Variants in EHD3 observed in about 807,000 individuals in gnomAD.
The protein encoded by EHD3 is EH domain containing 3, also known as EH domain-containing protein 3.
In EHD3, 17 loss-of-function variants were observed where a neutral mutation model predicts 43.0. The ratio of observed to expected loss-of-function variants is 0.40; its 90% confidence interval spans 0.27 to 0.59. The LOEUF is 0.59. Among genes scored for constraint, EHD3 ranks in the 20% least tolerant of loss-of-function variants. The pLI, the probability that EHD3 is intolerant of heterozygous loss-of-function variation, is 0.49. For synonymous variants in EHD3, 313 were observed against 289.5 expected (o/e 1.08, Z -0.82); for missense variants, 594 against 705.6 (o/e 0.84, Z 1.79).
chr2:31,249,189 A>ACTGGGGTT (rs1422410662), intron 2 of EHD3, among the ~76,000 whole-genome samples, 182 bp from the exon 3 acceptor site: 3 of 152,180 alleles, frequency 2.0e-5, no homozygotes, highest in African/African-American at 7.2e-5. Context: ...AGGCAAGAGG[A>ACTGGGGTT]CTGGGGTTCA....
rs377034591 is a variant in EHD3 at position 31,234,610 on chromosome 2, G to C, written c.-12G>C. The C allele has an allele frequency of 1.0e-4, 167 of 1,612,394 alleles. 1 individual carries two copies. Among genetic ancestry groups the C allele is most frequent in the Middle Eastern group, 1.6e-4 (1 of 6,076 alleles). ...CCCTGGGGCTGCGTGCCGGGGGCGA[G>C]CGGCGGCCGCGATGTTCAGCTGGCT... On this transcript the variant is annotated 5_prime_UTR_variant, in exon 1 of 6. Coordinates refer to ENST00000322054, the MANE Select transcript of EHD3 (RefSeq NM_014600.3).
intron 1 of EHD3, among the ~76,000 whole-genome samples, chr2:31,243,420 TTTTC>T (rs751332290): frequency 0.036 from 4,882 of 135,394 alleles, 398 homozygotes; most frequent in African/African-American, 0.11. Context: ...GGAGATTCAT[TTTTC>T]TTTCTTTCTT....
At chr2:31,245,256 T>C (rs1683495385) in intron 2 of EHD3, among the ~76,000 whole-genome samples, 1 of 152,224 alleles carries the variant, frequency 6.6e-6, no homozygotes. Flanking sequence ...ACTGTGGCTC[T>C]TGAACAAGTT....
At chr2:31,255,537 C>A (rs1411236632) in intron 3 of EHD3, among the ~76,000 whole-genome samples, 1 of 152,204 alleles carries the variant, frequency 6.6e-6, no homozygotes. Flanking sequence ...TAATCCTATA[C>A]CATACCCTTT....
rs1275479931 is a variant in EHD3 at position 31,234,587 on chromosome 2, CT to C, written c.-34del. 6.2e-7 allele frequency: 1 copy of C among 1,610,302 alleles called. No individual in the cohort carries two copies. Among genetic ancestry groups the C allele is most frequent in the Non-Finnish European group, 8.5e-7 (1 of 1,178,598 alleles). Reference sequence around the variant, plus strand: ...TCTTCCCCTGAGGAGGAGTCTTCCCCTGGGGCTGCGTGCCGGGGGCGAGCGG... The same window carrying C: ...TCTTCCCCTGAGGAGGAGTCTTCCCCGGGGCTGCGTGCCGGGGGCGAGCGG... On this transcript the variant is annotated 5_prime_UTR_variant, in exon 1 of 6. Transcript: ENST00000322054.
chr2:31,235,841 C>T (rs2148714457), intron 1 of EHD3, among the ~76,000 whole-genome samples: 1 of 152,340 alleles, frequency 6.6e-6, no homozygotes, highest in African/African-American at 2.4e-5. Context: ...ATCTTCCCAA[C>T]TTCAAGGCCA....
rs763758688 is a variant in EHD3, at chr2:31,234,723, G to A, written c.102G>A (p.Leu34=). ...GLKKLYKSKL[L]PLEEHYRFHE... is the part of the protein sequence containing the mutation. ...AGAAACTCTACAAGAGCAAGCTGCT[G>A]CCCTTGGAAGAGCATTACCGCTTCC... The change falls in exon 1 of 6, where the codon CTG becomes CTA. Residue 34 remains leucine (L), a synonymous_variant. Transcript: ENST00000322054. 4 of 1,614,238 alleles carry A rather than the reference G, an allele frequency of 2.5e-6. No homozygotes were observed. The highest frequency in any genetic ancestry group is 3.4e-6 in the Non-Finnish European group (4 of 1,180,038).
chr2:31,263,313 G>T (rs1414153523), intron 5 of EHD3, among the ~76,000 whole-genome samples: 1 of 152,208 alleles, frequency 6.6e-6, no homozygotes, highest in Non-Finnish European at 1.5e-5. Context: ...ATTTGAAAGG[G>T]ACCCTAAGAC....
chr2:31,248,719 G>T (rs1330504219), intron 2 of EHD3, among the ~76,000 whole-genome samples: 2 of 152,148 alleles, frequency 1.3e-5, no homozygotes, highest in Non-Finnish European at 2.9e-5. Context: ...CACCCAGCCT[G>T]TTATCTTGCA....
Position 31,234,716 on chromosome 2 carries a change from A to G in EHD3, c.95A>G (p.Lys32Arg), listed in dbSNP as rs1683290781. Residue 32 changes from lysine to arginine, a missense_variant, in exon 1 of 6, where the codon AAG becomes AGG. This residue lies in a region of EHD3 where 243 missense variants were observed against 296.7 expected (regional missense o/e 0.82). Coordinates refer to ENST00000322054, the MANE Select transcript of EHD3 (RefSeq NM_014600.3). The stretch of plus-strand genomic sequence containing the variant: ...GGGCTCAAGAAACTCTACAAGAGCA[A>G]GCTGCTGCCCTTGGAAGAGCATTAC... ...SEGLKKLYKSKLLPLEEHYRF... is the reference protein window; with the variant it reads ...SEGLKKLYKSRLLPLEEHYRF... 6.2e-7 allele frequency: 1 copy of G among 1,614,096 alleles called. No individual in the cohort carries two copies. The highest frequency in any genetic ancestry group is 1.3e-5 in the African/African-American group (1 of 74,946).
chr2:31,264,937 T>TA (rs1489818865), intron 5 of EHD3, among the ~76,000 whole-genome samples: 1 of 152,178 alleles, frequency 6.6e-6, no homozygotes, highest in Non-Finnish European at 1.5e-5. Context: ...TTTTTCTATT[T>TA]AAAAAAATTT....
Position 31,261,714 on chromosome 2 carries a change from G to A in EHD3, c.1080+1G>A. ...CTTCCCCAATCTGAAGAGGATGCAG[G>A]TAGCGAGGGCTGGGGTCTCTAAGAC... On this transcript the variant is annotated splice_donor_variant, in intron 5 of 5. Transcript: ENST00000322054. LOFTEE classifies it high-confidence loss of function. The A allele has an allele frequency of 6.2e-7, 1 of 1,614,046 alleles. No individual in the cohort carries two copies. Among genetic ancestry groups the A allele is most frequent in the South Asian group, 1.1e-5 (1 of 91,058 alleles).
chr2:31,242,474 T>A (rs1683440539), intron 1 of EHD3, among the ~76,000 whole-genome samples: 1 of 152,226 alleles, frequency 6.6e-6, no homozygotes, highest in Non-Finnish European at 1.5e-5. Context: ...CACCATATAC[T>A]ATTACATTCG....
chr2:31,238,171 C>T (rs1218621965), intron 1 of EHD3, among the ~76,000 whole-genome samples: 2 of 152,172 alleles, frequency 1.3e-5, no homozygotes, highest in African/African-American at 2.4e-5. Flanking sequence ...TTCCCCATTG[C>T]GAGTAAGGCT....
chr2:31,241,880 A>G (rs1331631189), intron 1 of EHD3, among the ~76,000 whole-genome samples: 1 of 152,172 alleles, frequency 6.6e-6, no homozygotes, highest in Non-Finnish European at 1.5e-5. Flanking sequence ...TCTCATCACA[A>G]CCTCGGTGCC....
intron 3 of EHD3, among the ~76,000 whole-genome samples, chr2:31,250,061 A>G (rs1238675265): frequency 8.5e-6 from 1 of 117,714 alleles, no homozygotes; most frequent in African/African-American, 3.3e-5. Flanking sequence ...AGTGACCCTC[A>G]GCAGGTTTCT....
At position 31,261,632 on chromosome 2, in the gene EHD3, C is replaced by A. The variant is rs1298499420; in HGVS notation, c.999C>A (p.Asn333Lys). The A allele has an allele frequency of 6.2e-7, 1 of 1,614,124 alleles. No individual in the cohort carries two copies. The highest frequency in any genetic ancestry group is 8.5e-7 in the Non-Finnish European group (1 of 1,180,058). ...ACAACAAGAAGAAGGAGCTGGTCAA[C>A]AACCTGGCCGAGATCTATGGCCGGA... The part of the protein sequence containing the change: ...GKDNKKKELV[N>K]NLAEIYGRIE... The change falls in exon 5 of 6, where the codon AAC becomes AAA. Residue 333 changes from asparagine (N) to lysine (K), a missense_variant. Transcript: ENST00000322054.
rs988821232 is a variant in EHD3, at chr2:31,241,632, G to A, written c.228-2642G>A. Among the ~76,000 whole-genome samples, 16 of 152,244 alleles carry A rather than the reference G, an allele frequency of 1.1e-4. No individual in the cohort carries two copies. In the South Asian group the frequency reaches 1.7e-3, roughly 16 times the overall value. Reference sequence around the variant, plus strand: ...TAATCCATGGAAAATTTAGAACAACGTCCGGCACATCGCAGGTACTCAGTC... The same window carrying A: ...TAATCCATGGAAAATTTAGAACAACATCCGGCACATCGCAGGTACTCAGTC... On this transcript the variant is annotated intron_variant, in intron 1 of 5. Coordinates refer to ENST00000322054, the MANE Select transcript of EHD3 (RefSeq NM_014600.3).
intron 1 of EHD3, among the ~76,000 whole-genome samples, chr2:31,244,070 A>C (rs1683474319): frequency 6.6e-6 from 1 of 152,174 alleles, no homozygotes; most frequent in Non-Finnish European, 1.5e-5. Flanking sequence ...CAAAAAACAG[A>C]ATATTTTAAG....
Sources: allele counts gnomAD v4.1 joint callset (sites outside exome capture counted in the v4.1 genomes callset), GRCh38; gene constraint gnomAD v4.1.1; regional missense constraint gnomAD v4.1.1; transcripts MANE v1.5; gene names NCBI Gene and HGNC (gene_info 2026-07-23, HGNC 2026-07-21).